The following HERC3 variants were observed in gnomAD, a reference collection of about 807,000 sequenced individuals.
The protein encoded by HERC3 is probable E3 ubiquitin-protein ligase HERC3.
A neutral mutation model predicts 129.9 loss-of-function variants in HERC3; 58 were observed. The observed-to-expected ratio is 0.45, with a 90% confidence interval of 0.36 to 0.56. The LOEUF is 0.56. HERC3 is among the 20% of genes least tolerant of loss of function. The pLI is 0.00. For missense variants in HERC3, 835 were observed against 1,244.2 expected (o/e 0.67, Z 4.95); for synonymous variants, 430 against 451.0 (o/e 0.95, Z 0.59).
At chr4:88,555,103 G>A in the HERC3 span, among the ~76,000 whole-genome samples, 1 of 152,008 alleles carries the variant, frequency 6.6e-6, no homozygotes, top group African/African-American at 2.4e-5. Flanking sequence ...GGCCAACATG[G>A]TGAAACCCTG....
the HERC3 span, among the ~76,000 whole-genome samples, chr4:88,561,876 T>G: frequency 7.0e-3 from 1,059 of 152,262 alleles, 10 homozygotes; most frequent in Non-Finnish European, 8.6e-3. Context: ...GTACTACATT[T>G]TCTTTATCCA....
chr4:88,609,362 GGTAGA>G (rs1188124049), intron 3 of HERC3, among the ~76,000 whole-genome samples: 2 of 152,152 alleles, frequency 1.3e-5, no homozygotes, highest in Non-Finnish European at 2.9e-5. Context: ...CTCTTTCATA[GGTAGA>G]GTAATCTGTG....
At chr4:88,676,290 T>C (rs780767043) in intron 17 of HERC3, 44 bp from the exon 18 acceptor site, 26 of 1,569,126 alleles carry the variant, frequency 1.7e-5, no homozygotes, top group Middle Eastern at 1.7e-4. Context: ...AGCTATACTT[T>C]CTGTGGAATA....
At chr4:88,569,999 G>GT in the HERC3 span, among the ~76,000 whole-genome samples, 7 of 152,274 alleles carry the variant, frequency 4.6e-5, no homozygotes, top group South Asian at 1.2e-3. Context: ...TCTTATTTTT[G>GT]TTTTTTAGCA....
chr4:88,676,112 G>T (rs1732135655), intron 16 of HERC3, 106 bp from the exon 17 acceptor site: 1 of 793,252 alleles, frequency 1.3e-6, no homozygotes, highest in East Asian at 2.5e-5. Flanking sequence ...TCTATGGCCA[G>T]TAGTCAGATT....
Position 88,655,961 on chromosome 4 carries a change from C to T in HERC3, c.995C>T (p.Thr332Ile), listed in dbSNP as rs1442559675. ...GARGQLGTGH[T>I]CNVKCPSPVK... ...AGAGGTCAATTAGGAACTGGGCACA[C>T]TTGTAATGTTAAGTGCCCATCTCCT... is the stretch of plus-strand genomic sequence containing the variant. The change falls in exon 9 of 26, where the codon ACT (threonine) becomes ATT (isoleucine). Residue 332 changes from threonine (T) to isoleucine (I), a missense_variant. Transcript: ENST00000402738. 7 of 1,613,928 alleles carry T rather than the reference C, an allele frequency of 4.3e-6. No homozygotes were observed. Among genetic ancestry groups the T allele is most frequent in the Non-Finnish European group, 5.9e-6 (7 of 1,179,904 alleles).
Position 88,704,627 on chromosome 4 carries a change from T to G in HERC3, c.2944+17T>G. 7.0e-7 allele frequency: 1 copy of G among 1,421,666 alleles called. No homozygotes were observed. Among genetic ancestry groups the G allele is most frequent in the South Asian group, 1.1e-5 (1 of 86,990 alleles). The allele number at this position is 1,421,666 out of a possible 1,614,324, so 88.1% of individuals were successfully genotyped here. A position where few individuals can be genotyped will look rare whatever the true frequency, so the allele number is the denominator to read the frequency against. The stretch of plus-strand genomic sequence containing the variant: ...AGTTTCTCTGTAAGTATCAGTAATC[T>G]CAATATGGTATTTGTCTACATTTTA... On this transcript the variant is annotated intron_variant, in intron 25 of 25. Coordinates refer to ENST00000402738, the MANE Select transcript of HERC3 (RefSeq NM_014606.3).
At position 88,707,474 on chromosome 4, in the gene HERC3, A is replaced by G. The variant is rs1438778447; in HGVS notation, c.*514A>G. 2 of 153,024 alleles carry G rather than the reference A, an allele frequency of 1.3e-5. No individual in the cohort carries two copies. Among genetic ancestry groups the G allele is most frequent in the African/African-American group, 4.8e-5 (2 of 41,414 alleles). 9.5% of individuals were successfully genotyped at this position (153,024 alleles called of 1,614,324 possible). A position where few individuals can be genotyped will look rare whatever the true frequency, so the allele number is the denominator to read the frequency against. On this transcript the variant is annotated 3_prime_UTR_variant, in exon 26 of 26. Transcript: ENST00000402738. The stretch of plus-strand genomic sequence containing the variant: ...CTTGTTGCAGCCCTCCTTTAACCCA[A>G]AGGAGGAAAGGACTGCTTCAGAAAC...
At chr4:88,640,235 A>G (rs1301785615) in intron 3 of HERC3, among the ~76,000 whole-genome samples, 4 of 152,230 alleles carry the variant, frequency 2.6e-5, no homozygotes, top group Non-Finnish European at 5.9e-5. Flanking sequence ...TATATACCCA[A>G]AGGAATACAA....
chr4:88,578,652 T>C, the HERC3 span, among the ~76,000 whole-genome samples: 1 of 151,926 alleles, frequency 6.6e-6, no homozygotes, highest in African/African-American at 2.4e-5. Context: ...AGGTCATATA[T>C]TAAAGAAGGC....
intron 9 of HERC3, chr4:88,657,000 T>C (rs554453453): frequency 6.6e-6 from 1 of 152,344 alleles, no homozygotes; most frequent in Non-Finnish European, 1.5e-5. Context: ...GCCATTTTTT[T>C]TCTTCCCTTA....
intron 3 of HERC3, among the ~76,000 whole-genome samples, chr4:88,607,464 A>AT (rs1723788439): frequency 6.6e-6 from 1 of 151,698 alleles, no homozygotes; most frequent in Admixed American, 6.6e-5. Flanking sequence ...TTTTCCACCT[A>AT]TTTTTACATT....
At chr4:88,586,343 CTT>C in the HERC3 span, among the ~76,000 whole-genome samples, 185 of 142,574 alleles carry the variant, frequency 1.3e-3, 4 homozygotes, top group Non-Finnish European at 5.5e-4. Flanking sequence ...GAATAAGCCA[CTT>C]TTTTTTTTTT....
chr4:88,617,006 G>A (rs940965846), intron 3 of HERC3, among the ~76,000 whole-genome samples: 5 of 151,896 alleles, frequency 3.3e-5, no homozygotes, highest in Non-Finnish European at 7.4e-5. Context: ...GGTCAGCCTT[G>A]CCACTATGCC....
chr4:88,525,451 G>A, the HERC3 span, among the ~76,000 whole-genome samples: 1 of 152,362 alleles, frequency 6.6e-6, no homozygotes, highest in East Asian at 1.9e-4. Flanking sequence ...CAAGCGCTGA[G>A]TGGGCCCAAC....
rs973268030 is a variant in HERC3 at position 88,592,740 on chromosome 4, G to A, written c.-88+166G>A. Among the ~76,000 whole-genome samples, 5 of 152,212 alleles carry A rather than the reference G, an allele frequency of 3.3e-5. No individual in the cohort carries two copies. The East Asian group carries it at 9.8e-4, about 30-fold the overall frequency. On this transcript the variant is annotated intron_variant, in intron 1 of 25. Coordinates refer to ENST00000402738, the MANE Select transcript of HERC3 (RefSeq NM_014606.3). ...GGGGGCTGCAGGCACCTCCAGAGAC[G>A]ACCTGGGTCTGGGGCGCGGGGAGGT...
the HERC3 span, among the ~76,000 whole-genome samples, chr4:88,584,537 G>T: frequency 6.6e-6 from 1 of 152,204 alleles, no homozygotes; most frequent in African/African-American, 2.4e-5. Flanking sequence ...ACAGTATTAA[G>T]AGGTAGGATC....
the HERC3 span, among the ~76,000 whole-genome samples, chr4:88,568,715 G>A: frequency 6.6e-6 from 1 of 152,016 alleles, no homozygotes; most frequent in African/African-American, 2.4e-5. Flanking sequence ...CTTCAAGTCA[G>A]TGGGTTGTCT....
chr4:88,570,981 A>C, the HERC3 span, among the ~76,000 whole-genome samples: 1 of 151,794 alleles, frequency 6.6e-6, no homozygotes. Flanking sequence ...GATGGTCTCC[A>C]TCTCCTGACC....
Sources: allele counts gnomAD v4.1 joint callset (sites outside exome capture counted in the v4.1 genomes callset), GRCh38; gene constraint gnomAD v4.1.1; transcripts MANE v1.5; gene names NCBI Gene and HGNC (gene_info 2026-07-23, HGNC 2026-07-21).